Variants in LDB2 observed in about 807,000 individuals in gnomAD.
LDB2 encodes LIM domain binding 2, also known as LIM domain-binding protein 2.
Under a neutral mutation model 44.3 loss-of-function variants are expected in LDB2, and 12 were observed. The observed-to-expected ratio is 0.27, with a 90% CI of 0.17 to 0.44. LDB2 has a LOEUF of 0.44. Ranked by LOEUF, LDB2 falls within the 20% of genes least tolerant of loss-of-function variation. LDB2 has a pLI of 1.00. For missense variants in LDB2, 344 were observed against 473.5 expected (o/e 0.73, Z 2.54); for synonymous variants, 164 against 174.8 (o/e 0.94, Z 0.49).
At chr4:16,667,103 CAG>C (rs1384105693) in intron 2 of LDB2, among the ~76,000 whole-genome samples, 1 of 152,184 alleles carries the variant, frequency 6.6e-6, no homozygotes, top group Non-Finnish European at 1.5e-5. Flanking sequence ...AAGGAATGCA[CAG>C]AGAGTGTGTG....
chr4:16,562,432 A>G (rs917260399), intron 5 of LDB2, among the ~76,000 whole-genome samples: 1 of 152,218 alleles, frequency 6.6e-6, no homozygotes, highest in African/African-American at 2.4e-5. Flanking sequence ...TCTCAAAAGA[A>G]GACATTTATC....
At chr4:16,740,203 G>T (rs1260668870) in intron 2 of LDB2, among the ~76,000 whole-genome samples, 1 of 152,150 alleles carries the variant, frequency 6.6e-6, no homozygotes, top group Non-Finnish European at 1.5e-5. Context: ...ACTAAACTGT[G>T]ACATCTTCCA....
chr4:16,515,868 A>ATT (rs1560330946), intron 5 of LDB2, among the ~76,000 whole-genome samples: 1 of 151,142 alleles, frequency 6.6e-6, no homozygotes, highest in African/African-American at 2.4e-5. Flanking sequence ...TTATTTATTT[A>ATT]TTTATTTATT....
intron 2 of LDB2, among the ~76,000 whole-genome samples, chr4:16,680,070 A>C (rs1274237573): frequency 6.6e-6 from 1 of 152,138 alleles, no homozygotes; most frequent in East Asian, 1.9e-4. Context: ...AGGTGATTAG[A>C]TCATGAAGGC....
At chr4:16,785,664 G>T (rs1012131441) in intron 1 of LDB2, among the ~76,000 whole-genome samples, 4 of 152,122 alleles carry the variant, frequency 2.6e-5, no homozygotes, top group African/African-American at 9.7e-5. Context: ...GATAGACAGG[G>T]TGGCATGGAC....
chr4:16,864,956 T>C (rs576682155), intron 1 of LDB2, among the ~76,000 whole-genome samples: 1 of 150,838 alleles, frequency 6.6e-6, no homozygotes, highest in Non-Finnish European at 1.5e-5. Flanking sequence ...GTCCATACCA[T>C]ATACCGGCCA....
At chr4:16,847,532 T>C (rs568617470) in intron 1 of LDB2, among the ~76,000 whole-genome samples, 2 of 152,264 alleles carry the variant, frequency 1.3e-5, no homozygotes, top group South Asian at 4.1e-4. Context: ...CCTCTTGCAA[T>C]AACTTATCAT....
chr4:16,566,443 G>A (rs925344163), intron 5 of LDB2, among the ~76,000 whole-genome samples: 3 of 152,012 alleles, frequency 2.0e-5, no homozygotes, highest in South Asian at 2.1e-4. Context: ...AGAAAAGGAC[G>A]TATCAGTCAA....
intron 2 of LDB2, among the ~76,000 whole-genome samples, chr4:16,757,495 C>T (rs987472875): frequency 2.0e-5 from 3 of 152,110 alleles, no homozygotes; most frequent in Non-Finnish European, 4.4e-5. Flanking sequence ...AGGGAAGAGC[C>T]AGAATCTGTT....
At chr4:16,576,611 A>T (rs984137621) in intron 5 of LDB2, among the ~76,000 whole-genome samples, 2 of 152,190 alleles carry the variant, frequency 1.3e-5, no homozygotes, top group East Asian at 1.9e-4. Context: ...AGCAAAGAAA[A>T]GCCCAGGAGC....
At chr4:16,645,099 C>G (rs946234744) in intron 2 of LDB2, among the ~76,000 whole-genome samples, 2 of 152,234 alleles carry the variant, frequency 1.3e-5, no homozygotes, top group Admixed American at 1.3e-4. Context: ...CAAAAAGGAG[C>G]ACAGGCAAAT....
chr4:16,682,680 A>G (rs1271398168), intron 2 of LDB2, among the ~76,000 whole-genome samples: 1 of 152,194 alleles, frequency 6.6e-6, no homozygotes, highest in African/African-American at 2.4e-5. Context: ...CCAGAGGTCA[A>G]CTTAGCTCCT....
At chr4:16,524,498 G>T (rs1023830937) in intron 5 of LDB2, among the ~76,000 whole-genome samples, 3 of 152,130 alleles carry the variant, frequency 2.0e-5, no homozygotes, top group Non-Finnish European at 4.4e-5. Flanking sequence ...AAGAGAACAG[G>T]GCATTGGAAA....
At chr4:16,535,345 T>C (rs1022060919) in intron 5 of LDB2, among the ~76,000 whole-genome samples, 2 of 152,204 alleles carry the variant, frequency 1.3e-5, no homozygotes, top group Non-Finnish European at 2.9e-5. Context: ...TTTCCTTTAA[T>C]AGAGCCTTTG....
chr4:16,508,411 TC>T, intron 7 of LDB2, 123 bp downstream of exon 7: 1 of 787,950 alleles, frequency 1.3e-6, no homozygotes. Flanking sequence ...CTTTTATCCC[TC>T]CCCCACCTCC....
chr4:16,878,030 C>T (rs897227584), intron 1 of LDB2, among the ~76,000 whole-genome samples: 1 of 152,000 alleles, frequency 6.6e-6, no homozygotes, highest in South Asian at 2.1e-4. Context: ...CTAAATCAAT[C>T]TATGATTTAA....
intron 2 of LDB2, among the ~76,000 whole-genome samples, 154 bp downstream of exon 2, chr4:16,759,003 AC>A (rs1203707995): frequency 1.3e-5 from 2 of 152,192 alleles, no homozygotes; most frequent in African/African-American, 4.8e-5. Flanking sequence ...TAGGGCTGCC[AC>A]CCAGTGACAA....
chr4:16,674,329 G>C (rs1303807779), intron 2 of LDB2: 2 of 1,197,922 alleles, frequency 1.7e-6, no homozygotes, highest in African/African-American at 3.1e-5. Context: ...ACTGCAGAAA[G>C]ACAGTGCTCT....
intron 2 of LDB2, among the ~76,000 whole-genome samples, chr4:16,692,930 C>T (rs1289708050): frequency 6.6e-6 from 1 of 152,190 alleles, no homozygotes; most frequent in Non-Finnish European, 1.5e-5. Flanking sequence ...GCATTAACTC[C>T]TAGTTTCCTT....
Sources: gnomAD v4.1 joint callset for allele counts (sites outside exome capture counted in the v4.1 genomes callset) on GRCh38, gnomAD v4.1.1 for gene constraint, MANE v1.5 for transcripts, NCBI Gene and HGNC (gene_info 2026-07-23, HGNC 2026-07-21) for gene names.